The following IRF8 variants were observed in gnomAD, a reference collection of about 807,000 sequenced individuals.
IRF8 encodes the protein interferon consensus sequence binding protein 1.
Under a neutral mutation model 48.7 loss-of-function variants are expected in IRF8, and 14 were observed. That is an observed-to-expected ratio of 0.29 (90% CI 0.19 to 0.45). The LOEUF is 0.45. Among genes scored for constraint, IRF8 ranks in the 20% least tolerant of loss-of-function variants. The pLI, the probability that IRF8 is intolerant of heterozygous loss-of-function variation, is 1.00. For missense variants in IRF8, 493 were observed against 580.7 expected (o/e 0.85, Z 1.55); for synonymous variants, 278 against 227.3 (o/e 1.22, Z -2.01).
In IRF8 at chr16:85,921,735, G is replaced by T; in HGVS notation, c.*453G>T. ...TATAGATTTATGATTTCATAGGCTT[G>T]ATTCTATGTGAAATATCTTTTTACT... is the stretch of plus-strand genomic sequence containing the variant. On this transcript the variant is annotated 3_prime_UTR_variant, in exon 9 of 9. Transcript: ENST00000268638. The T allele has an allele frequency of 4.9e-6, 1 of 202,128 alleles. No individual in the cohort carries two copies. Among genetic ancestry groups the T allele is most frequent in the African/African-American group, 2.4e-5 (1 of 42,210 alleles). The allele number at this position is 202,128 out of a possible 1,614,324, so 12.5% of individuals were successfully genotyped here.
chr16:85,903,603 G>T, intron 2 of IRF8: 1 of 266,890 alleles, frequency 3.7e-6, no homozygotes, highest in Admixed American at 5.1e-5. Flanking sequence ...TGGCATTGTA[G>T]GGCCAGCTCA....
At chr16:85,912,823 G>A (rs1383862287) in intron 4 of IRF8, among the ~76,000 whole-genome samples, 1 of 152,202 alleles carries the variant, frequency 6.6e-6, no homozygotes. Context: ...CGTGTCCAGG[G>A]CGTTGAGGGC....
At position 85,914,616 on chromosome 16, in the gene IRF8, G is replaced by T; in HGVS notation, c.601+96G>T. 3.6e-6 allele frequency: 5 copies of T among 1,392,976 alleles called. No individual in the cohort carries two copies. In the South Asian group the frequency reaches 4.7e-5, roughly 13 times the overall value. 86.3% of individuals were successfully genotyped at this position (1,392,976 alleles called of 1,614,324 possible). A position where few individuals can be genotyped will look rare whatever the true frequency, so the allele number is the denominator to read the frequency against. Reference sequence around the variant, plus strand: ...GTTGCGGGGTTTCGAGGATGAGCAGGACCTGGTGTGGAAGTCTAGGCCTGG... The same window carrying T: ...GTTGCGGGGTTTCGAGGATGAGCAGTACCTGGTGTGGAAGTCTAGGCCTGG... On this transcript the variant is annotated intron_variant, in intron 6 of 8. Coordinates refer to ENST00000268638, the MANE Select transcript of IRF8 (RefSeq NM_002163.4).
intron 2 of IRF8, 149 bp downstream of exon 2, chr16:85,903,338 G>T (rs754220795): frequency 4.9e-5 from 36 of 732,972 alleles, no homozygotes; most frequent in Non-Finnish European, 7.9e-5. Context: ...TGCTGAATGT[G>T]TCTCAGACAT....
intron 3 of IRF8, chr16:85,909,419 G>A (rs771271676): frequency 5.7e-6 from 3 of 528,010 alleles, no homozygotes; most frequent in Non-Finnish European, 1.0e-5. Context: ...ACATTTGTAG[G>A]GCCTCCCTGG....
chr16:85,903,515 C>T (rs1904894972), intron 2 of IRF8: 1 of 360,868 alleles, frequency 2.8e-6, no homozygotes, highest in Non-Finnish European at 5.3e-6. Flanking sequence ...AGACCTTTCC[C>T]CACGGGCTTC....
chr16:85,899,754 C>T (rs533461542), intron 1 of IRF8, among the ~76,000 whole-genome samples: 1 of 152,302 alleles, frequency 6.6e-6, no homozygotes, highest in Admixed American at 6.5e-5. Flanking sequence ...CATCACAGCC[C>T]AGTCGTCCTT....
rs2270503 is a variant in IRF8 at position 85,921,195 on chromosome 16, G to A, written c.1194G>A (p.Pro398=). The A allele has an allele frequency of 4.8e-3, 7,759 of 1,614,174 alleles. 233 individuals carry two copies. In the Admixed American group the frequency reaches 0.066, roughly 14 times the overall value. Residue 398 remains proline (P), a synonymous_variant, in exon 9 of 9, where the codon CCG becomes CCA. Coordinates refer to ENST00000268638, the MANE Select transcript of IRF8 (RefSeq NM_002163.4). Reference sequence around the variant, plus strand: ...TGATGCAGGCCCCCGAGGAGCCGCCGCCAGACCAGGTCTTCCGGATGTTTC... The same window carrying A: ...TGATGCAGGCCCCCGAGGAGCCGCCACCAGACCAGGTCTTCCGGATGTTTC... ...GSVMQAPEEP[P]PDQVFRMFPD... is the part of the protein sequence containing the mutation.
chr16:85,914,670 A>G, intron 6 of IRF8, 150 bp downstream of exon 6: 3 of 885,984 alleles, frequency 3.4e-6, no homozygotes, highest in Non-Finnish European at 5.3e-6. Flanking sequence ...CCTGGTGTGG[A>G]AGTCTAGGCT....
At chr16:85,913,978 GGA>G in intron 5 of IRF8, 1 of 201,102 alleles carries the variant, frequency 5.0e-6, no homozygotes, top group East Asian at 1.3e-4. Flanking sequence ...ATCCCCTGTG[GGA>G]GTCTGGGAGG....
intron 1 of IRF8, chr16:85,902,657 C>G (rs12924316): frequency 6.0e-6 from 2 of 330,878 alleles, no homozygotes; most frequent in Non-Finnish European, 1.2e-5. Flanking sequence ...GTGATTCCCC[C>G]TCTCCTTCCA....
chr16:85,904,811 TC>T (rs1192535422), intron 2 of IRF8, among the ~76,000 whole-genome samples: 2 of 134,464 alleles, frequency 1.5e-5, no homozygotes, highest in African/African-American at 3.0e-5. Context: ...TGATTGCAGA[TC>T]TTTTTTTTTT....
intron 5 of IRF8, 158 bp downstream of exon 5, chr16:85,913,394 TC>T: frequency 1.5e-6 from 1 of 662,238 alleles, no homozygotes. Flanking sequence ...GGCCCTGGTT[TC>T]CCAACATGAG....
chr16:85,908,915 G>T (rs1302415852), intron 2 of IRF8, 75 bp from the exon 3 acceptor site: 1 of 1,247,624 alleles, frequency 8.0e-7, no homozygotes, highest in Non-Finnish European at 1.2e-6. Flanking sequence ...GGATGTGTGG[G>T]GTCCTGGTCA....
chr16:85,918,742 G>A lies in IRF8; in HGVS notation c.927G>A (p.Arg309=), dbSNP rs374144564. ...CSGNAVVCKG[R]PNKLERDEVV... ...GCAACGCCGTGGTGTGCAAAGGCAG[G>A]CCCAACAAGCTGGAGCGTGATGAGG... Residue 309 remains arginine, a synonymous_variant, in exon 7 of 9, where the codon AGG becomes AGA. Transcript: ENST00000268638. The A allele has an allele frequency of 7.4e-6, 12 of 1,612,396 alleles. No homozygotes were observed. The highest frequency in any genetic ancestry group is 1.0e-5 in the Non-Finnish European group (12 of 1,180,050).
intron 6 of IRF8, among the ~76,000 whole-genome samples, chr16:85,917,724 C>G (rs969541654): frequency 6.6e-6 from 1 of 152,152 alleles, no homozygotes; most frequent in East Asian, 1.9e-4. Flanking sequence ...CTGAGGCTTG[C>G]TTTTTGAGGT....
intron 2 of IRF8, among the ~76,000 whole-genome samples, chr16:85,904,848 G>T (rs547100758): frequency 3.6e-4 from 38 of 106,432 alleles, no homozygotes; most frequent in Non-Finnish European, 5.9e-4. Context: ...TGGCATCATG[G>T]TGAACTTCTC....
intron 2 of IRF8, among the ~76,000 whole-genome samples, chr16:85,906,475 G>A (rs1254219538): frequency 6.6e-6 from 1 of 152,226 alleles, no homozygotes; most frequent in Non-Finnish European, 1.5e-5. Context: ...GGTGCCTGCT[G>A]TGTCACAGAG....
intron 2 of IRF8, 21 bp from the exon 3 acceptor site, chr16:85,908,969 T>A: frequency 6.2e-7 from 1 of 1,610,090 alleles, no homozygotes; most frequent in South Asian, 1.1e-5. Context: ...GAATTTAATG[T>A]GCTTCTGTTT....
Sources: gnomAD v4.1 joint callset for allele counts (sites outside exome capture counted in the v4.1 genomes callset) on GRCh38, gnomAD v4.1.1 for gene constraint, MANE v1.5 for transcripts, NCBI Gene and HGNC (gene_info 2026-07-23, HGNC 2026-07-21) for gene names.